Variants in SLC44A5 observed in about 807,000 individuals in gnomAD.
SLC44A5 encodes the protein solute carrier family 44 member 5, also known as choline transporter-like protein 5.
A neutral mutation model predicts 101.8 loss-of-function variants in SLC44A5; 57 were observed. The observed-to-expected ratio is 0.56, with a 90% CI of 0.45 to 0.70. The LOEUF is 0.70. Among genes scored for constraint, SLC44A5 ranks in the 30% least tolerant of loss-of-function variants. The pLI is 0.00. For synonymous variants in SLC44A5, 281 were observed against 290.9 expected (o/e 0.97, Z 0.35); for missense variants, 737 against 853.1 (o/e 0.86, Z 1.70).
In SLC44A5 at chr1:75,451,567, A is replaced by G. The variant is rs187371360; in HGVS notation, c.14-54946T>C. On this transcript the variant is annotated intron_variant, in intron 2 of 23. Transcript: ENST00000370859. ...GCATGAAAACAATGACAAAAATTAA[A>G]ACTAATAGCATCTCCAGATGAGAAG... Among the ~76,000 whole-genome samples the G allele has an allele frequency of 1.9e-4, 29 of 152,236 alleles. No individual in the cohort carries two copies. In the East Asian group the frequency reaches 4.8e-3, roughly 25 times the overall value.
At chr1:75,219,737 A>C (rs554395653) in intron 15 of SLC44A5, 63 bp downstream of exon 15, 5 of 1,035,498 alleles carry the variant, frequency 4.8e-6, no homozygotes, top group African/African-American at 3.2e-5. Flanking sequence ...CTGAACACAA[A>C]CTCCTGGTTC....
At chr1:75,226,115 T>A (rs1384059844) in intron 13 of SLC44A5, among the ~76,000 whole-genome samples, 2 of 152,256 alleles carry the variant, frequency 1.3e-5, no homozygotes, top group South Asian at 2.1e-4. Context: ...ATTTTTGCAG[T>A]TAAAAAGGAA....
chr1:75,651,807 C>T, the SLC44A5 span, among the ~76,000 whole-genome samples: 1 of 151,754 alleles, frequency 6.6e-6, no homozygotes, highest in Non-Finnish European at 1.5e-5. Flanking sequence ...AGTAGATAGG[C>T]AGACCTGAGC....
chr1:75,335,178 C>T (rs1444792825), intron 4 of SLC44A5, among the ~76,000 whole-genome samples: 7 of 152,198 alleles, frequency 4.6e-5, no homozygotes, highest in Non-Finnish European at 1.0e-4. Context: ...TCTCTAAATG[C>T]TTGAATAAAC....
intron 2 of SLC44A5, among the ~76,000 whole-genome samples, chr1:75,445,225 C>T (rs1371084789): frequency 6.6e-6 from 1 of 152,026 alleles, no homozygotes; most frequent in Non-Finnish European, 1.5e-5. Context: ...TATTAGTTCA[C>T]GTGAGAGCGG....
chr1:75,594,992 T>C (rs1051792032), intron 1 of SLC44A5, among the ~76,000 whole-genome samples: 3 of 152,020 alleles, frequency 2.0e-5, no homozygotes, highest in Non-Finnish European at 2.9e-5. Context: ...AAAATTATAT[T>C]TGGTATTACA....
the SLC44A5 span, among the ~76,000 whole-genome samples, chr1:75,653,028 A>T: frequency 6.6e-6 from 1 of 152,190 alleles, no homozygotes; most frequent in African/African-American, 2.4e-5. Context: ...CCATTCTGTG[A>T]TTGAAACTTC....
rs189343160 is a variant in SLC44A5 at position 75,579,588 on chromosome 1, C to A, written c.-70+31452G>T. Among the ~76,000 whole-genome samples, 310 of 152,270 alleles carry A rather than the reference C, an allele frequency of 2.0e-3. 2 individuals are homozygous for A. Among genetic ancestry groups the A allele is most frequent in the Non-Finnish European group, 2.1e-3 (142 of 68,026 alleles). ...TTCAGTATGAATTCTAAATGGATAG[C>A]CTTTTTGCTTGAACCCAATGCATTT... On this transcript the variant is annotated intron_variant, in intron 1 of 23. Coordinates refer to ENST00000370859, the MANE Select transcript of SLC44A5 (RefSeq NM_001130058.2).
At chr1:75,607,167 C>T (rs1037062631) in intron 1 of SLC44A5, among the ~76,000 whole-genome samples, 9 of 152,034 alleles carry the variant, frequency 5.9e-5, no homozygotes, top group African/African-American at 2.2e-4. Context: ...GATCCTTCCC[C>T]ATAAACTTGC....
chr1:75,713,232 ACT>A, the SLC44A5 span, among the ~76,000 whole-genome samples: 3 of 152,198 alleles, frequency 2.0e-5, no homozygotes, highest in Admixed American at 2.0e-4. Context: ...ATAATTTTAT[ACT>A]CTTTCCTCAA....
chr1:75,339,684 T>C (rs1193679259), intron 3 of SLC44A5, 54 bp from the exon 4 acceptor site: 3 of 1,447,702 alleles, frequency 2.1e-6, no homozygotes, highest in Admixed American at 1.9e-5. Context: ...TAAATTAATA[T>C]AAAATATTAA....
chr1:75,222,153 T>G (rs1647097944), intron 14 of SLC44A5, among the ~76,000 whole-genome samples: 1 of 151,850 alleles, frequency 6.6e-6, no homozygotes, highest in South Asian at 2.1e-4. Context: ...ACGGGGTTTC[T>G]CCATGTTGGT....
At chr1:75,405,367 C>G (rs968963491) in intron 2 of SLC44A5, among the ~76,000 whole-genome samples, 3 of 152,186 alleles carry the variant, frequency 2.0e-5, no homozygotes, top group South Asian at 2.1e-4. Context: ...TAAAATACAT[C>G]TGTAGAACTC....
intron 9 of SLC44A5, among the ~76,000 whole-genome samples, chr1:75,239,231 A>G (rs1215180521): frequency 1.3e-5 from 2 of 152,110 alleles, no homozygotes; most frequent in East Asian, 1.9e-4. Context: ...AAAGAGGCCT[A>G]CACTTTGTAG....
intron 6 of SLC44A5, among the ~76,000 whole-genome samples, chr1:75,256,070 T>C (rs1027371264): frequency 2.0e-5 from 3 of 152,090 alleles, no homozygotes; most frequent in Non-Finnish European, 2.9e-5. Flanking sequence ...CCTTGGGATA[T>C]AGGAAACAAT....
chr1:75,622,754 C>T, the SLC44A5 span, among the ~76,000 whole-genome samples: 1 of 152,050 alleles, frequency 6.6e-6, no homozygotes, highest in African/African-American at 2.4e-5. Context: ...CTCCAGTTGG[C>T]CTGCTCAAGG....
At chr1:75,644,721 T>C in the SLC44A5 span, among the ~76,000 whole-genome samples, 2 of 152,112 alleles carry the variant, frequency 1.3e-5, no homozygotes, top group Non-Finnish European at 2.9e-5. Context: ...ACATGTGCCA[T>C]GTTGGTGTGC....
chr1:75,480,449 G>A (rs548835760), intron 2 of SLC44A5, among the ~76,000 whole-genome samples: 1 of 152,204 alleles, frequency 6.6e-6, no homozygotes, highest in Non-Finnish European at 1.5e-5. Context: ...ATTAGGAAAA[G>A]AGGAAGTCAA....
intron 2 of SLC44A5, among the ~76,000 whole-genome samples, chr1:75,455,598 A>G (rs1200498373): frequency 1.3e-5 from 2 of 152,136 alleles, no homozygotes; most frequent in Non-Finnish European, 2.9e-5. Flanking sequence ...AATCAGAGAA[A>G]ATATTTGCAA....
Sources: allele counts gnomAD v4.1 joint callset (sites outside exome capture counted in the v4.1 genomes callset), GRCh38; gene constraint gnomAD v4.1.1; transcripts MANE v1.5; gene names NCBI Gene and HGNC (gene_info 2026-07-23, HGNC 2026-07-21).